GRIN2A: variants seen among roughly 807,000 people sequenced by gnomAD.
GRIN2A encodes the protein glutamate receptor ionotropic, NMDA 2A.
GRIN2A carries 22 observed loss-of-function variants against 113.4 expected under a neutral mutation model. The observed-to-expected ratio is 0.19, with a 90% CI of 0.14 to 0.28. The LOEUF (loss-of-function observed/expected upper bound fraction) is 0.28, where lower values mean the gene tolerates loss of function less well. GRIN2A is among the 10% of genes least tolerant of loss of function. The pLI is 1.00. For synonymous variants in GRIN2A, 827 were observed against 738.4 expected, an observed-to-expected ratio of 1.12 and a Z score of -1.94; for missense variants, 1,502 against 1,887.0, an observed-to-expected ratio of 0.80 and a Z score of 3.78.
At chr16:9,935,379 A>G (rs2044688605) in intron 3 of GRIN2A, among the ~76,000 whole-genome samples, 2 of 152,200 alleles carry the variant, frequency 1.3e-5, no homozygotes, top group South Asian at 4.1e-4. Context: ...TGAAAGTGGC[A>G]GTGTAGAAAC....
In GRIN2A at chr16:9,759,602, A is replaced by G. The variant is rs1182542578; in HGVS notation, c.*3547T>C. ...TGTGAATTTTAATGCTTTCACCAGA[A>G]AAACTAAATACTCAGACTCTCTGGC... On this transcript the variant is annotated 3_prime_UTR_variant, in exon 13 of 13. Coordinates refer to ENST00000330684, the MANE Select transcript of GRIN2A (RefSeq NM_001134407.3). 2 of 229,178 alleles carry G rather than the reference A, an allele frequency of 8.7e-6. No individual in the cohort carries two copies. Among genetic ancestry groups the G allele is most frequent in the South Asian group, 1.8e-4 (1 of 5,510 alleles). 14.2% of individuals were successfully genotyped at this position (229,178 alleles called of 1,614,324 possible). A position where few individuals can be genotyped will look rare whatever the true frequency, so the allele number is the denominator to read the frequency against.
At chr16:9,959,834 C>T (rs911756077) in intron 2 of GRIN2A, among the ~76,000 whole-genome samples, 7 of 152,142 alleles carry the variant, frequency 4.6e-5, no homozygotes, top group South Asian at 2.1e-4. Flanking sequence ...ACTACCTGGG[C>T]GTGGTGGCGC....
chr16:9,968,279 TG>T (rs1305138970), intron 2 of GRIN2A, among the ~76,000 whole-genome samples: 1 of 72,614 alleles, frequency 1.4e-5, no homozygotes, highest in Non-Finnish European at 3.3e-5. Flanking sequence ...TATGTATGTA[TG>T]TATGTATGTA....
chr16:9,939,612 C>G (rs979778354), intron 2 of GRIN2A, among the ~76,000 whole-genome samples: 3 of 152,114 alleles, frequency 2.0e-5, no homozygotes, highest in Non-Finnish European at 4.4e-5. Context: ...TCATCAAATC[C>G]CCATAATGAT....
chr16:10,118,304 T>C (rs1458150169), intron 2 of GRIN2A, among the ~76,000 whole-genome samples: 1 of 152,158 alleles, frequency 6.6e-6, no homozygotes, highest in African/African-American at 2.4e-5. Context: ...TCATTTAGAC[T>C]CCTGTCACTT....
intron 2 of GRIN2A, among the ~76,000 whole-genome samples, chr16:9,966,257 T>A (rs2045554695): frequency 6.6e-6 from 1 of 152,198 alleles, no homozygotes; most frequent in Non-Finnish European, 1.5e-5. Context: ...TTCCCGACTC[T>A]CTTCCTCCTC....
chr16:9,973,244 T>G (rs1333781373), intron 2 of GRIN2A, among the ~76,000 whole-genome samples: 3 of 152,188 alleles, frequency 2.0e-5, no homozygotes, highest in Non-Finnish European at 4.4e-5. Flanking sequence ...TCCTCTGGCT[T>G]TAGGCAATCC....
At chr16:9,772,717 A>G (rs1236936397) in intron 11 of GRIN2A, among the ~76,000 whole-genome samples, 2 of 152,080 alleles carry the variant, frequency 1.3e-5, no homozygotes, top group Non-Finnish European at 2.9e-5. Context: ...TCTTCTCACT[A>G]TGACTCATCA....
intron 2 of GRIN2A, among the ~76,000 whole-genome samples, chr16:10,043,566 G>A (rs1017685346): frequency 1.3e-5 from 2 of 152,084 alleles, no homozygotes; most frequent in African/African-American, 4.8e-5. Flanking sequence ...ATCCTACAAA[G>A]ATGCCACCAA....
At chr16:9,988,899 C>T (rs2046040302) in intron 2 of GRIN2A, among the ~76,000 whole-genome samples, 1 of 152,114 alleles carries the variant, frequency 6.6e-6, no homozygotes, top group Admixed American at 6.5e-5. Flanking sequence ...GAGGAGGGTC[C>T]TACAACTAAC....
At chr16:10,002,486 A>G (rs2046337969) in intron 2 of GRIN2A, among the ~76,000 whole-genome samples, 1 of 152,206 alleles carries the variant, frequency 6.6e-6, no homozygotes, top group Non-Finnish European at 1.5e-5. Flanking sequence ...GGTTTCACGG[A>G]TTAGGTGGGT....
rs1193947383 is a variant in GRIN2A, at chr16:9,822,428, G to A, written c.2008-4C>T. Reference sequence around the variant, plus strand: ...AATAGTCATGAGGTCTCTGAAACTGGAGAGAGAACGAGAAAGGAAGAGAGA... The same window carrying A: ...AATAGTCATGAGGTCTCTGAAACTGAAGAGAGAACGAGAAAGGAAGAGAGA... On this transcript the variant is annotated splice_region_variant and splice_polypyrimidine_tract_variant and intron_variant, in intron 9 of 12. Transcript: ENST00000330684. 6.3e-7 allele frequency: 1 copy of A among 1,590,346 alleles called. No individual in the cohort carries two copies. The highest frequency in any genetic ancestry group is 2.2e-5 in the East Asian group (1 of 44,712).
At chr16:10,149,658 C>T (rs867764801) in intron 2 of GRIN2A, among the ~76,000 whole-genome samples, 1 of 152,172 alleles carries the variant, frequency 6.6e-6, no homozygotes, top group African/African-American at 2.4e-5. Context: ...CCAGTACCTC[C>T]TCACCCAAGT....
rs2141106792 is a variant in GRIN2A, at chr16:9,754,364, A to G, written c.*8785T>C. The G allele has an allele frequency of 4.8e-6, 1 of 209,158 alleles. No individual in the cohort carries two copies. The highest frequency in any genetic ancestry group is 7.2e-5 in the East Asian group (1 of 13,858). The allele number at this position is 209,158 out of a possible 1,614,324, so 13.0% of individuals were successfully genotyped here. On this transcript the variant is annotated 3_prime_UTR_variant, in exon 13 of 13. Transcript: ENST00000330684. ...CATCTGAGCCACATCTAACTATGTC[A>G]CTGCTGTGTCAAGCAGTTTTCTGAA...
At chr16:10,059,508 G>A (rs2047513437) in intron 2 of GRIN2A, among the ~76,000 whole-genome samples, 1 of 152,036 alleles carries the variant, frequency 6.6e-6, no homozygotes, top group Non-Finnish European at 1.5e-5. Context: ...TTTGACTGGT[G>A]GTAGAAATGG....
intron 2 of GRIN2A, among the ~76,000 whole-genome samples, chr16:9,976,351 T>C (rs139251684): frequency 2.6e-5 from 4 of 152,332 alleles, no homozygotes; most frequent in Admixed American, 6.5e-5. Flanking sequence ...GAAACACTTA[T>C]GTAACCTAAC....
chr16:10,099,165 G>A (rs56186846), intron 2 of GRIN2A, among the ~76,000 whole-genome samples: 28,888 of 151,848 alleles, frequency 0.19, 3,165 homozygotes, highest in African/African-American at 0.3. Flanking sequence ...GACCTTAAAG[G>A]CTTACAAAGG....
Position 10,092,358 on chromosome 16 carries a change from G to A in GRIN2A, c.414+87640C>T, listed in dbSNP as rs148739992. 3.8e-3 allele frequency among the ~76,000 whole-genome samples: 578 copies of A among 152,294 alleles called. 3 individuals are homozygous for A. The highest frequency in any genetic ancestry group is 0.013 in the African/African-American group (550 of 41,574). On this transcript the variant is annotated intron_variant, in intron 2 of 12. Coordinates refer to ENST00000330684, the MANE Select transcript of GRIN2A (RefSeq NM_001134407.3). ...TATAAATTAACATTTCAGCAGACAT[G>A]CAATGTTGTGTGAGGTCTTCCCACG...
In GRIN2A at chr16:9,755,303, C is replaced by A. The variant is rs1308222388; in HGVS notation, c.*7846G>T. The A allele has an allele frequency of 5.4e-6, 1 of 186,860 alleles. No individual in the cohort carries two copies. The highest frequency in any genetic ancestry group is 1.1e-5 in the Non-Finnish European group (1 of 88,544). The allele number at this position is 186,860 out of a possible 1,614,324, so 11.6% of individuals were successfully genotyped here. A position where few individuals can be genotyped will look rare whatever the true frequency, so the allele number is the denominator to read the frequency against. On this transcript the variant is annotated 3_prime_UTR_variant, in exon 13 of 13. Transcript: ENST00000330684. ...AAATACAACCCCCAGAGAAGAAATG[C>A]TATTGGTCAAATCGTTCTTTGGAGT...
Sources: gnomAD v4.1 joint callset for allele counts (sites outside exome capture counted in the v4.1 genomes callset) on GRCh38, gnomAD v4.1.1 for gene constraint, MANE v1.5 for transcripts, NCBI Gene and HGNC (gene_info 2026-07-23, HGNC 2026-07-21) for gene names.